Variants in DAB2IP observed in about 807,000 individuals in gnomAD.
DAB2IP encodes disabled homolog 2-interacting protein.
Under a neutral mutation model 107.2 loss-of-function variants are expected in DAB2IP, and 28 were observed. That is an observed-to-expected ratio of 0.26 (90% CI 0.19 to 0.36). DAB2IP has a LOEUF of 0.36. Among genes scored for constraint, DAB2IP ranks in the 10% least tolerant of loss-of-function variants. The pLI is 1.00. For synonymous variants in DAB2IP, 755 were observed against 706.4 expected (o/e 1.07, Z -1.09); for missense variants, 1,400 against 1,644.7 (o/e 0.85, Z 2.57).
At position 121,776,156 on chromosome 9, in the gene DAB2IP, G is replaced by C. The variant is rs770516448; in HGVS notation, c.3121-42G>C. 6.4e-7 allele frequency: 1 copy of C among 1,551,260 alleles called. No homozygotes were observed. The highest frequency in any genetic ancestry group is 1.4e-5 in the African/African-American group (1 of 73,132). Reference sequence around the variant, plus strand: ...TCGGGCTGACGAAGCTGTGCTCTCTGTGTCCTGGGTGCTGTGCCCGTGGAC... The same window carrying C: ...TCGGGCTGACGAAGCTGTGCTCTCTCTGTCCTGGGTGCTGTGCCCGTGGAC... On this transcript the variant is annotated intron_variant, in intron 13 of 15. Transcript: ENST00000408936. This position sits in a 1 kb window ranked among gnomAD's most constrained non-coding sequence, Gnocchi z 5.4.
exon 6 of DAB2IP, chr9:121,759,887 C>T: frequency 6.2e-7 from 1 of 1,611,880 alleles, no homozygotes; most frequent in Non-Finnish European, 8.5e-7. Flanking sequence ...ACATACAGGA[C>T]AACAGCCGGC....
At chr9:121,676,230 T>C (rs1287519141) in intron 1 of DAB2IP, among the ~76,000 whole-genome samples, 3 of 152,216 alleles carry the variant, frequency 2.0e-5, no homozygotes, top group African/African-American at 7.2e-5. Context: ...TGTGGACTCC[T>C]GTCCATGTGA....
intron 1 of DAB2IP, among the ~76,000 whole-genome samples, chr9:121,641,343 G>A (rs1047462766): frequency 1.8e-4 from 27 of 152,152 alleles, no homozygotes; most frequent in African/African-American, 6.3e-4. Context: ...CTAGCTATGG[G>A]CTAGGTGGGA....
At chr9:121,591,201 G>T (rs996425086) in intron 1 of DAB2IP, among the ~76,000 whole-genome samples, 4 of 152,218 alleles carry the variant, frequency 2.6e-5, no homozygotes, top group African/African-American at 9.6e-5. Context: ...AGGCATGGTA[G>T]CTTATGCCTG....
chr9:121,570,351 T>C (rs912733110), intron 1 of DAB2IP, among the ~76,000 whole-genome samples: 3 of 150,388 alleles, frequency 2.0e-5, no homozygotes, highest in African/African-American at 4.9e-5. Context: ...TGAGCTCAAG[T>C]GATCCACCTG....
chr9:121,773,755 AGAG>A (rs1356245454), intron 12 of DAB2IP, among the ~76,000 whole-genome samples: 1 of 152,154 alleles, frequency 6.6e-6, no homozygotes, highest in Non-Finnish European at 1.5e-5. Flanking sequence ...TCAGAGAGAA[AGAG>A]GAGGAGAGTG....
Position 121,653,668 on chromosome 9 carries a change from T to C in DAB2IP, c.124+1769T>C, listed in dbSNP as rs570106949. ...CCTCCTTTGCCTCAGAAATGCCCTG[T>C]GTGACCTTTTCCTCTTCTCACCTCA... On this transcript the variant is annotated intron_variant, in intron 1 of 15. Coordinates refer to ENST00000408936, the Ensembl canonical transcript of DAB2IP. 3.3e-5 allele frequency among the ~76,000 whole-genome samples: 5 copies of C among 151,952 alleles called. No homozygotes were observed. In the East Asian group the frequency reaches 7.8e-4, roughly 24 times the overall value.
rs142127436 is a variant in DAB2IP, at chr9:121,633,061, C to G, written c.41-45617C>G. ...CCGGGCAGTGGGAGCCCACTGATGC[C>G]GGAGAATAAATTTGCTGTTTTGTAG... On this transcript the variant is annotated intron_variant, in intron 1 of 16. Transcript: ENST00000259371. The surrounding 1 kb of genome is among the most constrained non-coding windows in gnomAD (Gnocchi z 5.1). 6.6e-6 allele frequency among the ~76,000 whole-genome samples: 1 copy of G among 152,138 alleles called. No homozygotes were observed. The highest frequency in any genetic ancestry group is 2.4e-5 in the African/African-American group (1 of 41,424).
rs542127787 is a variant in DAB2IP, at chr9:121,749,811, G to A, written c.363-7202G>A. ...TGGGGAAAACTGAGGCATGGAGAAC[G>A]TAAAGCGTTTGAGTCGTCACGGGAC... is the stretch of plus-strand genomic sequence containing the variant. On this transcript the variant is annotated intron_variant, in intron 3 of 15. Transcript: ENST00000408936. Among the ~76,000 whole-genome samples the A allele has an allele frequency of 1.8e-4, 27 of 152,304 alleles. 1 individual carries two copies. Among genetic ancestry groups the A allele is most frequent in the African/African-American group, 4.8e-4 (20 of 41,572 alleles).
chr9:121,770,760 CGTGT>C, intron 11 of DAB2IP, 36 bp downstream of exon 11: 1 of 1,605,984 alleles, frequency 6.2e-7, no homozygotes, highest in South Asian at 1.1e-5. Flanking sequence ...GTGGTGGGTG[CGTGT>C]GCAGACTAGG....
At chr9:121,671,943 T>A (rs1833701049) in intron 1 of DAB2IP, among the ~76,000 whole-genome samples, 1 of 152,106 alleles carries the variant, frequency 6.6e-6, no homozygotes, top group Non-Finnish European at 1.5e-5. Flanking sequence ...ACTGGATGAG[T>A]AGGAGGGAAG....
At chr9:121,648,648 G>A (rs1311584071), upstream of DAB2IP, among the ~76,000 whole-genome samples, 1 of 152,212 alleles carries the variant, frequency 6.6e-6, no homozygotes, top group African/African-American at 2.4e-5. Context: ...CGTCTTGAGG[G>A]AAACTCAGAA....
intron 2 of DAB2IP, among the ~76,000 whole-genome samples, chr9:121,680,622 G>T (rs1171346328): frequency 6.6e-6 from 1 of 152,150 alleles, no homozygotes; most frequent in East Asian, 1.9e-4. Flanking sequence ...GGCCTTCAGG[G>T]GGACCCTAGG....
In DAB2IP at chr9:121,695,352, G is replaced by T. The variant is rs530078420; in HGVS notation, c.229-3973G>T. ...TGGTGCTCAGCCAACATCAGTATTGGTTGCAATAAACCTACTACTCTGTGT... is the reference window on the plus strand; with the variant it reads ...TGGTGCTCAGCCAACATCAGTATTGTTTGCAATAAACCTACTACTCTGTGT... On this transcript the variant is annotated intron_variant, in intron 2 of 15. Coordinates refer to ENST00000408936, the Ensembl canonical transcript of DAB2IP. 5.2e-4 allele frequency among the ~76,000 whole-genome samples: 79 copies of T among 152,280 alleles called. No individual in the cohort carries two copies. The South Asian group carries it at 0.014, about 26-fold the overall frequency.
chr9:121,678,502 A>G (rs1212219539), intron 1 of DAB2IP, among the ~76,000 whole-genome samples, 176 bp from the exon 2 acceptor site: 1 of 152,234 alleles, frequency 6.6e-6, no homozygotes, highest in Non-Finnish European at 1.5e-5. Context: ...TTGCTGGGTC[A>G]TGTGGTACTT....
chr9:121,754,887 C>G lies in DAB2IP; in HGVS notation c.363-2126C>G, dbSNP rs531428398. Reference sequence around the variant, plus strand: ...AGGCGGCCTCAGCTCACCAGCTCCCCGCTCTGTACTTCCTGGGTCCCTACC... The same window carrying G: ...AGGCGGCCTCAGCTCACCAGCTCCCGGCTCTGTACTTCCTGGGTCCCTACC... On this transcript the variant is annotated intron_variant, in intron 3 of 15. Transcript: ENST00000408936. Among the ~76,000 whole-genome samples the G allele has an allele frequency of 3.1e-3, 465 of 152,334 alleles. 3 individuals are homozygous for G. The highest frequency in any genetic ancestry group is 3.9e-3 in the Admixed American group (60 of 15,308).
Position 121,686,779 on chromosome 9 carries a change from C to T in DAB2IP, c.228+7998C>T, listed in dbSNP as rs530578523. ...GCCTGGCACAAGGCAGCATTCCCCA[C>T]ACCTGTTCCCTTTGCTTGTGTGAGG... is the stretch of plus-strand genomic sequence containing the variant. On this transcript the variant is annotated intron_variant, in intron 2 of 15. Coordinates refer to ENST00000408936, the Ensembl canonical transcript of DAB2IP. 4.3e-4 allele frequency among the ~76,000 whole-genome samples: 66 copies of T among 152,316 alleles called. No homozygotes were observed. In the South Asian group the frequency reaches 0.011, roughly 25 times the overall value.
chr9:121,651,871 C>T lies in DAB2IP; in HGVS notation c.96C>T (p.Arg32=). The change falls in exon 1 of 16, where the codon CGC becomes CGT. Residue 32 remains arginine (R), a synonymous_variant. Coordinates refer to ENST00000408936, the Ensembl canonical transcript of DAB2IP. The surrounding 1 kb of genome is among the most constrained non-coding windows in gnomAD (Gnocchi z 5.1). ...CCCGGCTGCAGCGACAGAGGAGCCG[C>T]TCCCGCAGCCGGACCCGGCCTGCCA... 2 of 1,443,712 alleles carry T rather than the reference C, an allele frequency of 1.4e-6. No individual in the cohort carries two copies. The highest frequency in any genetic ancestry group is 1.8e-6 in the Non-Finnish European group (2 of 1,093,476). The allele number at this position is 1,443,712 out of a possible 1,614,324, so 89.4% of individuals were successfully genotyped here. A position where few individuals can be genotyped will look rare whatever the true frequency, so the allele number is the denominator to read the frequency against.
intron 1 of DAB2IP, among the ~76,000 whole-genome samples, chr9:121,620,314 A>T (rs1467002341): frequency 6.6e-6 from 1 of 151,206 alleles, no homozygotes; most frequent in Non-Finnish European, 1.5e-5. Context: ...GGCTTCTAGC[A>T]GCTCCTTCCA....
Sources: allele counts gnomAD v4.1 joint callset (sites outside exome capture counted in the v4.1 genomes callset), GRCh38; gene constraint gnomAD v4.1.1; non-coding constraint Gnocchi (gnomAD v3.1); transcripts MANE v1.5; gene names NCBI Gene and HGNC (gene_info 2026-07-23, HGNC 2026-07-21).